FAM107A: variants seen among roughly 807,000 people sequenced by gnomAD.
FAM107A encodes actin-associated protein FAM107A.
FAM107A carries 19 observed loss-of-function variants against 13.7 expected under a neutral mutation model. The ratio of observed to expected loss-of-function variants is 1.38; its 90% CI spans 0.97 to 2.03. FAM107A has a LOEUF of 2.03. Ranked by LOEUF, FAM107A falls within the 30% of genes most tolerant of loss-of-function variation. FAM107A has a pLI of 0.00. For synonymous variants in FAM107A, 82 were observed against 74.5 expected (o/e 1.10, Z -0.52); for missense variants, 203 against 184.4 (o/e 1.10, Z -0.58).
At position 58,617,766 on chromosome 3, in the gene FAM107A, A is replaced by T. The variant is rs1483638119; in HGVS notation, c.-70+9650T>A. Among the ~76,000 whole-genome samples the T allele has an allele frequency of 6.6e-6, 1 of 152,156 alleles. No individual in the cohort carries two copies. Among genetic ancestry groups the T allele is most frequent in the East Asian group, 1.9e-4 (1 of 5,200 alleles). On this transcript the variant is annotated intron_variant, in intron 1 of 3. Transcript: ENST00000465970. This position sits in a 1 kb window ranked among gnomAD's most constrained non-coding sequence, Gnocchi z 4.5. The stretch of plus-strand genomic sequence containing the variant: ...CCCTCTTCAGTGCTACTCCCAGGGG[A>T]GTGGAGCCACTACCTACTATTAACT...
At chr3:58,600,681 G>A (rs898175126) in intron 1 of FAM107A, among the ~76,000 whole-genome samples, 5 of 152,184 alleles carry the variant, frequency 3.3e-5, no homozygotes, top group Admixed American at 6.5e-5. Context: ...CTTGAGATGT[G>A]GCTAGTGCAA....
At chr3:58,586,513 A>C (rs6804889) in intron 1 of FAM107A, among the ~76,000 whole-genome samples, 21,622 of 151,744 alleles carry the variant, frequency 0.14, 1,918 homozygotes, top group African/African-American at 0.25. Flanking sequence ...ACTAGGGAGA[A>C]CTCGTCCCTA....
intron 1 of FAM107A, among the ~76,000 whole-genome samples, chr3:58,615,269 T>A (rs1313860288): frequency 6.6e-6 from 1 of 152,266 alleles, no homozygotes; most frequent in African/African-American, 2.4e-5. Context: ...TCATGACTTT[T>A]ACATTCTTTG....
intron 1 of FAM107A, among the ~76,000 whole-genome samples, chr3:58,611,039 A>T (rs918845025): frequency 3.9e-5 from 6 of 152,160 alleles, no homozygotes; most frequent in African/African-American, 1.2e-4. Context: ...TGAGGGTTTT[A>T]TTAGGGACTT....
At chr3:58,585,780 T>C (rs1393178891) in intron 1 of FAM107A, among the ~76,000 whole-genome samples, 1 of 152,190 alleles carries the variant, frequency 6.6e-6, no homozygotes, top group African/African-American at 2.4e-5. Context: ...GGGAGGAAAA[T>C]ACCCCAAATG....
chr3:58,579,781 G>C (rs2108055684), upstream of FAM107A, among the ~76,000 whole-genome samples: 1 of 152,300 alleles, frequency 6.6e-6, no homozygotes, highest in Admixed American at 6.5e-5. Context: ...GCACCTGACA[G>C]CCAAGGAGAA....
chr3:58,599,529 G>C (rs1392729832), intron 1 of FAM107A, among the ~76,000 whole-genome samples: 3 of 152,080 alleles, frequency 2.0e-5, no homozygotes, highest in Non-Finnish European at 2.9e-5. Flanking sequence ...TCTAGTGTTA[G>C]AAGTCGGGAT....
chr3:58,597,087 T>C (rs535931931), intron 1 of FAM107A, among the ~76,000 whole-genome samples: 1 of 152,342 alleles, frequency 6.6e-6, no homozygotes, highest in East Asian at 1.9e-4. Context: ...AGTTTGCTGA[T>C]ACATTCTCCT....
At chr3:58,598,289 G>A (rs1024079634) in intron 1 of FAM107A, among the ~76,000 whole-genome samples, 2 of 152,208 alleles carry the variant, frequency 1.3e-5, no homozygotes, top group South Asian at 4.1e-4. Context: ...CCTGGGACTT[G>A]TTCCTTTGCA....
chr3:58,578,310 G>A (rs1470578894), upstream of FAM107A, among the ~76,000 whole-genome samples: 5 of 152,324 alleles, frequency 3.3e-5, no homozygotes, highest in Non-Finnish European at 7.4e-5. Context: ...GCTCATGCCT[G>A]TAATCCCAGC....
At chr3:58,627,565 G>C (rs1343614600) in exon 1 of FAM107A, 1 of 152,696 alleles carries the variant, frequency 6.5e-6, no homozygotes, top group Admixed American at 6.5e-5. Flanking sequence ...GGGGTCCGGG[G>C]CTCTCCCACA....
chr3:58,604,563 T>A lies in FAM107A; in HGVS notation c.-69-15294A>T, dbSNP rs2065777494. Among the ~76,000 whole-genome samples the A allele has an allele frequency of 6.6e-6, 1 of 152,140 alleles. No individual in the cohort carries two copies. The highest frequency in any genetic ancestry group is 2.1e-4 in the South Asian group (1 of 4,820). On this transcript the variant is annotated intron_variant, in intron 1 of 3. Transcript: ENST00000465970. This position sits in a 1 kb window ranked among gnomAD's most constrained non-coding sequence, Gnocchi z 4.1. ...TGTTGCACGTGACAGCCTCACCCACTCCCTGGGCCCCATAAGATCAATCAG... is the reference window on the plus strand; with the variant it reads ...TGTTGCACGTGACAGCCTCACCCACACCCTGGGCCCCATAAGATCAATCAG...
At chr3:58,579,276 G>T (rs573325251), upstream of FAM107A, among the ~76,000 whole-genome samples, 138 of 152,278 alleles carry the variant, frequency 9.1e-4, no homozygotes, top group Middle Eastern at 3.4e-3. Flanking sequence ...AGTGAGGGAG[G>T]TGGGAGACAG....
At position 58,604,566 on chromosome 3, in the gene FAM107A, C is replaced by G. The variant is rs2065777554; in HGVS notation, c.-69-15297G>C. Among the ~76,000 whole-genome samples, 1 of 152,220 alleles carries G rather than the reference C, an allele frequency of 6.6e-6. No homozygotes were observed. Among genetic ancestry groups the G allele is most frequent in the African/African-American group, 2.4e-5 (1 of 41,458 alleles). On this transcript the variant is annotated intron_variant, in intron 1 of 3. Transcript: ENST00000465970. The surrounding 1 kb of genome is among the most constrained non-coding windows in gnomAD (Gnocchi z 4.1). ...TGCACGTGACAGCCTCACCCACTCC[C>G]TGGGCCCCATAAGATCAATCAGCGG...
At position 58,566,397 on chromosome 3, in the gene FAM107A, GA is replaced by G; in HGVS notation, c.*190del. On this transcript the variant is annotated 3_prime_UTR_variant, in exon 4 of 4. Coordinates refer to ENST00000360997, the MANE Select transcript of FAM107A (RefSeq NM_001076778.3). ...AGCAGGAGGGCTGGGTGCTTGGAAGGAAAACCTAGGAGCTTAGGGGCCCCAG... is the reference window on the plus strand; with the variant it reads ...AGCAGGAGGGCTGGGTGCTTGGAAGGAAACCTAGGAGCTTAGGGGCCCCAG... The G allele has an allele frequency of 1.8e-6, 1 of 566,664 alleles. No homozygotes were observed. The highest frequency in any genetic ancestry group is 2.9e-5 in the East Asian group (1 of 34,968). 35.1% of individuals were successfully genotyped at this position (566,664 alleles called of 1,614,324 possible). A position where few individuals can be genotyped will look rare whatever the true frequency, so the allele number is the denominator to read the frequency against.
upstream of FAM107A, chr3:58,587,222 G>T: frequency 1.3e-6 from 1 of 746,180 alleles, no homozygotes; most frequent in Non-Finnish European, 1.9e-6. Context: ...GCCAAGGCGA[G>T]AACACAGTGT....
chr3:58,578,748 G>A (rs983515298), upstream of FAM107A, among the ~76,000 whole-genome samples: 2 of 152,192 alleles, frequency 1.3e-5, no homozygotes, highest in African/African-American at 4.8e-5. Context: ...TCCCCAGTGA[G>A]GAAGCTGGGG....
chr3:58,579,959 T>A (rs2065512531), upstream of FAM107A, among the ~76,000 whole-genome samples: 1 of 152,204 alleles, frequency 6.6e-6, no homozygotes. Flanking sequence ...ACTGAGGGGC[T>A]CAATAACTAT....
chr3:58,624,234 C>T (rs1291463050), intron 1 of FAM107A, among the ~76,000 whole-genome samples: 4 of 152,136 alleles, frequency 2.6e-5, no homozygotes, highest in African/African-American at 7.2e-5. Flanking sequence ...CTGGAATGTT[C>T]CAAACAGTGT....
Sources: allele counts gnomAD v4.1 joint callset (sites outside exome capture counted in the v4.1 genomes callset), GRCh38; gene constraint gnomAD v4.1.1; non-coding constraint Gnocchi (gnomAD v3.1); transcripts MANE v1.5; gene names NCBI Gene and HGNC (gene_info 2026-07-23, HGNC 2026-07-21).